ARHGAP29: variants seen among roughly 807,000 people sequenced by gnomAD.
ARHGAP29 encodes Rho GTPase activating protein 29.
In ARHGAP29, 43 loss-of-function variants were observed where a neutral mutation model predicts 122.6. The observed-to-expected ratio is 0.35, with a 90% confidence interval of 0.27 to 0.45. The LOEUF (loss-of-function observed/expected upper bound fraction) is 0.45. ARHGAP29 is among the 20% of genes least tolerant of loss of function. The pLI, the probability that ARHGAP29 is intolerant of heterozygous loss-of-function variation, is 1.00. For missense variants in ARHGAP29, 1,303 were observed against 1,477.2 expected, an observed-to-expected ratio of 0.88 and a Z score of 1.93; for synonymous variants, 506 against 497.1, an observed-to-expected ratio of 1.02 and a Z score of -0.24.
At chr1:94,302,867 T>C in the ARHGAP29 span, 1 of 224,778 alleles carries the variant, frequency 4.4e-6, no homozygotes, top group South Asian at 4.9e-5. Context: ...GGCTGTCTCC[T>C]CCAACTTTAA....
At chr1:94,213,822 A>G (rs1256144468) in intron 3 of ARHGAP29, among the ~76,000 whole-genome samples, 3 of 152,268 alleles carry the variant, frequency 2.0e-5, no homozygotes, top group Non-Finnish European at 4.4e-5. Context: ...AAATGAACTT[A>G]GAACAGAGCC....
At chr1:94,215,928 G>A (rs1421687413) in intron 3 of ARHGAP29, among the ~76,000 whole-genome samples, 1 of 37,670 alleles carries the variant, frequency 2.7e-5, no homozygotes, top group East Asian at 8.8e-4. Context: ...ATGTAAAAAC[G>A]TTATTGAAAC....
chr1:94,237,637 AG>A, upstream of ARHGAP29: 1 of 986,498 alleles, frequency 1.0e-6, no homozygotes, highest in Non-Finnish European at 1.2e-6. Flanking sequence ...CCCGCCCGCC[AG>A]CCCCGCCCCC....
At chr1:94,259,539 A>C (rs1180245284) in intron 1 of ARHGAP29, among the ~76,000 whole-genome samples, 1 of 152,192 alleles carries the variant, frequency 6.6e-6, no homozygotes, top group East Asian at 1.9e-4. Context: ...TTGTCCGTAC[A>C]AGAAGAGAAA....
At chr1:94,236,121 ATTAAATCT>A (rs1221147610) in intron 1 of ARHGAP29, among the ~76,000 whole-genome samples, 5 of 152,246 alleles carry the variant, frequency 3.3e-5, no homozygotes, top group African/African-American at 1.2e-4. Context: ...TAAAACGATG[ATTAAATCT>A]TTATGGTTTT....
chr1:94,238,580 A>G (rs1354732381), upstream of ARHGAP29, among the ~76,000 whole-genome samples: 3 of 152,132 alleles, frequency 2.0e-5, no homozygotes, highest in African/African-American at 7.2e-5. Context: ...AGGGAGGGAG[A>G]CTGTGGGTAG....
chr1:94,273,887 A>G (rs1452219279), intron 1 of ARHGAP29, among the ~76,000 whole-genome samples: 3 of 151,056 alleles, frequency 2.0e-5, no homozygotes, highest in Non-Finnish European at 4.4e-5. Flanking sequence ...TAAAGAGCAG[A>G]TGAGCAGTAG....
Position 94,173,827 on chromosome 1 carries a change from A to G in ARHGAP29, c.*42T>C. On this transcript the variant is annotated 3_prime_UTR_variant, in exon 23 of 23. Coordinates refer to ENST00000260526, the MANE Select transcript of ARHGAP29 (RefSeq NM_004815.4). ...TCACAAAACAAGCACAATACCACAA[A>G]ATAACACAACAACAACAAAAAAACC... 6.5e-7 allele frequency: 1 copy of G among 1,549,798 alleles called. No homozygotes were observed. The highest frequency in any genetic ancestry group is 8.7e-7 in the Non-Finnish European group (1 of 1,148,040).
Position 94,220,521 on chromosome 1 carries a change from T to C in ARHGAP29, c.206-129A>G. ...CAATTTTTGCCTACTATACATTCAT[T>C]TATATCTTCACTGCTGCAATTATAT... On this transcript the variant is annotated intron_variant, in intron 2 of 22. Coordinates refer to ENST00000260526, the MANE Select transcript of ARHGAP29 (RefSeq NM_004815.4). The C allele has an allele frequency of 5.7e-6, 4 of 705,500 alleles. No homozygotes were observed. The South Asian group carries it at 8.4e-5, about 15-fold the overall frequency. The allele number at this position is 705,500 out of a possible 1,614,324, so 43.7% of individuals were successfully genotyped here. A position where few individuals can be genotyped will look rare whatever the true frequency, so the allele number is the denominator to read the frequency against.
At chr1:94,258,532 T>C (rs1212696661) in intron 1 of ARHGAP29, among the ~76,000 whole-genome samples, 1 of 152,104 alleles carries the variant, frequency 6.6e-6, no homozygotes, top group Non-Finnish European at 1.5e-5. Flanking sequence ...AGACCTTAGC[T>C]CTCATGGGCT....
At chr1:94,252,384 G>C (rs1322497197) in intron 1 of ARHGAP29, among the ~76,000 whole-genome samples, 2 of 152,186 alleles carry the variant, frequency 1.3e-5, no homozygotes, top group African/African-American at 4.8e-5. Context: ...AAGTAAAAGT[G>C]AAGCCTCTGG....
upstream of ARHGAP29, among the ~76,000 whole-genome samples, chr1:94,277,800 C>G (rs1655240382): frequency 6.6e-6 from 1 of 152,156 alleles, no homozygotes; most frequent in Non-Finnish European, 1.5e-5. Context: ...GAAGAATAGG[C>G]TAGTGTTTTG....
At position 94,188,954 on chromosome 1, in the gene ARHGAP29, G is replaced by T. The variant is rs1411797161; in HGVS notation, c.1577-13C>A. The T allele has an allele frequency of 6.2e-7, 1 of 1,607,900 alleles. No individual in the cohort carries two copies. Among genetic ancestry groups the T allele is most frequent in the Admixed American group, 1.7e-5 (1 of 59,380 alleles). On this transcript the variant is annotated splice_polypyrimidine_tract_variant and intron_variant, in intron 14 of 22. Coordinates refer to ENST00000260526, the MANE Select transcript of ARHGAP29 (RefSeq NM_004815.4). ...ATAAAGGAAGGACCTTTAATAAAAA[G>T]AATAAAGTCAAAACTTGGCTACAGG...
chr1:94,255,540 A>C (rs1281505292), intron 1 of ARHGAP29, among the ~76,000 whole-genome samples: 5 of 152,216 alleles, frequency 3.3e-5, no homozygotes, highest in East Asian at 1.9e-4. Context: ...TAGAAATGTT[A>C]GTCCACCTGT....
chr1:94,229,110 G>C (rs527553499), intron 2 of ARHGAP29, among the ~76,000 whole-genome samples: 3 of 151,872 alleles, frequency 2.0e-5, no homozygotes, highest in African/African-American at 7.2e-5. Context: ...AAGAAAAACA[G>C]TGAATGAAAT....
At chr1:94,189,603 A>T (rs896217829) in intron 13 of ARHGAP29, among the ~76,000 whole-genome samples, 2 of 152,166 alleles carry the variant, frequency 1.3e-5, no homozygotes, top group Admixed American at 6.6e-5. Flanking sequence ...TGTCATGGTT[A>T]AACTTTTCTA....
the ARHGAP29 span, among the ~76,000 whole-genome samples, chr1:94,292,271 C>A: frequency 1.3e-4 from 20 of 152,162 alleles, no homozygotes; most frequent in African/African-American, 4.3e-4. Flanking sequence ...GTATGCTTCA[C>A]GAAGTTCTCG....
At chr1:94,225,790 G>C (rs1345903433) in intron 2 of ARHGAP29, among the ~76,000 whole-genome samples, 1 of 151,984 alleles carries the variant, frequency 6.6e-6, no homozygotes, top group East Asian at 1.9e-4. Context: ...AGTTATTACA[G>C]ATGTGAATAT....
intron 8 of ARHGAP29, 140 bp from the exon 9 acceptor site, chr1:94,203,350 G>C (rs936944598): frequency 1.9e-4 from 103 of 547,448 alleles, no homozygotes; most frequent in Non-Finnish European, 2.9e-4. Context: ...ACATGACTAT[G>C]AGAAAAATAT....
Sources: gnomAD v4.1 joint callset for allele counts (sites outside exome capture counted in the v4.1 genomes callset) on GRCh38, gnomAD v4.1.1 for gene constraint, MANE v1.5 for transcripts, NCBI Gene and HGNC (gene_info 2026-07-23, HGNC 2026-07-21) for gene names.